The following FOCAD variants were observed in gnomAD, a reference collection of about 807,000 sequenced individuals.
The protein encoded by FOCAD is KIAA1797.
In FOCAD, 198 loss-of-function variants were observed where a neutral mutation model predicts 225.6. That is an observed-to-expected ratio of 0.88 (90% CI 0.78 to 0.99). The LOEUF is 0.99. FOCAD is among the 50% of genes least tolerant of loss of function. The probability of loss-of-function intolerance (pLI) is 0.00; values close to 1 mark genes in which losing one functional copy is unlikely to be tolerated. For synonymous variants in FOCAD, 897 were observed against 755.0 expected (o/e 1.19, Z -3.08); for missense variants, 2,713 against 2,123.6 (o/e 1.28, Z -5.46).
chr9:20,977,570 A>G (rs1420573593), intron 36 of FOCAD, among the ~76,000 whole-genome samples: 1 of 152,230 alleles, frequency 6.6e-6, no homozygotes, highest in Non-Finnish European at 1.5e-5. Context: ...ACAGTGTTGT[A>G]AAATTGTGTG....
At chr9:20,691,924 C>G (rs1224682577) in intron 1 of FOCAD, among the ~76,000 whole-genome samples, 1 of 152,176 alleles carries the variant, frequency 6.6e-6, no homozygotes, top group Non-Finnish European at 1.5e-5. Context: ...CAGGTGCGCA[C>G]TACCACACCA....
intron 19 of FOCAD, among the ~76,000 whole-genome samples, chr9:20,876,059 A>G (rs1383935771): frequency 1.3e-5 from 2 of 152,186 alleles, no homozygotes; most frequent in Non-Finnish European, 2.9e-5. Context: ...ATTCAGCCAA[A>G]TATATACTAT....
At chr9:20,667,529 A>T (rs567040332) in intron 2 of FOCAD, among the ~76,000 whole-genome samples, 25 of 152,338 alleles carry the variant, frequency 1.6e-4, no homozygotes, top group Non-Finnish European at 3.2e-4. Context: ...CCACTTTTTG[A>T]TCACATCCCT....
chr9:20,797,744 G>A (rs1189275780), intron 11 of FOCAD, among the ~76,000 whole-genome samples: 1 of 152,080 alleles, frequency 6.6e-6, no homozygotes, highest in Non-Finnish European at 1.5e-5. Flanking sequence ...AGCAGATTTT[G>A]GGCTGAGACG....
chr9:20,856,013 C>G (rs1828145215), intron 15 of FOCAD, among the ~76,000 whole-genome samples: 1 of 151,824 alleles, frequency 6.6e-6, no homozygotes, highest in Non-Finnish European at 1.5e-5. Flanking sequence ...TAGGTTGCTT[C>G]CAAATCTTGG....
intron 2 of FOCAD, among the ~76,000 whole-genome samples, chr9:20,672,469 G>T (rs1043738250): frequency 6.6e-6 from 1 of 152,082 alleles, no homozygotes; most frequent in Non-Finnish European, 1.5e-5. Flanking sequence ...TATTATTTTT[G>T]AGATGGAGTC....
rs566725805 is a variant in FOCAD at position 20,811,322 on chromosome 9, TGTG to T, written c.1456-8470_1456-8468del. ...ACAAGCTTCAGTTTTCCGTTTGAAA[TGTG>T]GTGATAATCATGATTTTCTACAAAG... is the stretch of plus-strand genomic sequence containing the variant. On this transcript the variant is annotated intron_variant, in intron 11 of 43. Transcript: ENST00000338382. 3.3e-5 allele frequency among the ~76,000 whole-genome samples: 5 copies of T among 152,184 alleles called. No homozygotes were observed. The East Asian group carries it at 5.8e-4, about 18-fold the overall frequency.
At chr9:20,737,545 T>A (rs1054230670) in intron 4 of FOCAD, among the ~76,000 whole-genome samples, 1 of 152,200 alleles carries the variant, frequency 6.6e-6, no homozygotes, top group African/African-American at 2.4e-5. Context: ...ATAAATAGCT[T>A]AAATACGACT....
chr9:20,930,102 A>G (rs1835326364), intron 27 of FOCAD, among the ~76,000 whole-genome samples: 1 of 152,254 alleles, frequency 6.6e-6, no homozygotes, highest in East Asian at 1.9e-4. Context: ...TGCCCTGGCC[A>G]CATTTTTATA....
Position 20,931,538 on chromosome 9 carries a change from A to G in FOCAD, c.3318-1476A>G, listed in dbSNP as rs143854606. The stretch of plus-strand genomic sequence containing the variant: ...GGAGAAAGTTTAAATTTTTTTCTAA[A>G]AGCAAGTGTTTTGAGAGCTGTTGAT... On this transcript the variant is annotated intron_variant, in intron 27 of 43. Transcript: ENST00000338382. Among the ~76,000 whole-genome samples the G allele has an allele frequency of 1.2e-4, 19 of 152,330 alleles. 1 individual carries two copies. In the East Asian group the frequency reaches 3.7e-3, roughly 29 times the overall value.
intron 1 of FOCAD, among the ~76,000 whole-genome samples, chr9:20,710,229 A>ATTTTTTTTTT: frequency 9.8e-6 from 1 of 102,288 alleles, no homozygotes; most frequent in Non-Finnish European, 1.9e-5. Flanking sequence ...AGTAGCTGAG[A>ATTTTTTTTTT]TTTTTTTTTT....
intron 21 of FOCAD, among the ~76,000 whole-genome samples, chr9:20,890,960 G>A (rs191725726): frequency 3.6e-4 from 55 of 151,960 alleles, no homozygotes; most frequent in Admixed American, 2.8e-3. Context: ...AAGGTTCGTG[G>A]CAGCCCTGTA....
At position 20,753,363 on chromosome 9, in the gene FOCAD, G is replaced by T. The variant is rs1828745394; in HGVS notation, c.393-4727G>T. 6.6e-5 allele frequency among the ~76,000 whole-genome samples: 10 copies of T among 151,822 alleles called. No homozygotes were observed. The South Asian group carries it at 1.9e-3, about 29-fold the overall frequency. ...ATACCTAATTTATTGAGAGTTTTTA[G>T]CATGAAGGGTTGTTGAATTTTGTCA... On this transcript the variant is annotated intron_variant, in intron 5 of 43. Transcript: ENST00000338382.
intron 22 of FOCAD, among the ~76,000 whole-genome samples, chr9:20,911,417 G>A (rs916106247): frequency 6.6e-6 from 1 of 152,116 alleles, no homozygotes; most frequent in Non-Finnish European, 1.5e-5. Flanking sequence ...ACTTTGAGAA[G>A]TACAAGGACA....
intron 2 of FOCAD, among the ~76,000 whole-genome samples, chr9:20,673,886 T>C (rs1450309456): frequency 2.6e-5 from 4 of 152,246 alleles, no homozygotes; most frequent in African/African-American, 9.6e-5. Flanking sequence ...ATTAATAAAA[T>C]TCTTTAATTA....
intron 11 of FOCAD, among the ~76,000 whole-genome samples, chr9:20,808,767 T>G (rs1822734067): frequency 6.6e-6 from 1 of 152,212 alleles, no homozygotes; most frequent in Non-Finnish European, 1.5e-5. Flanking sequence ...GAGCCTTTGC[T>G]GGGTGCTGTG....
At chr9:20,789,656 T>C (rs748984885) in intron 11 of FOCAD, 48 bp downstream of exon 11, 3 of 1,597,052 alleles carry the variant, frequency 1.9e-6, no homozygotes, top group East Asian at 2.2e-5. Context: ...AGCTTAATCA[T>C]TGGAAATGTA....
intron 6 of FOCAD, among the ~76,000 whole-genome samples, chr9:20,762,126 G>A (rs1363507323): frequency 2.0e-5 from 3 of 152,148 alleles, no homozygotes; most frequent in Non-Finnish European, 4.4e-5. Context: ...GAAGAAAACC[G>A]ATAAGCCATC....
chr9:20,697,942 T>G (rs1180691535), intron 1 of FOCAD, among the ~76,000 whole-genome samples: 2 of 152,216 alleles, frequency 1.3e-5, no homozygotes, highest in African/African-American at 2.4e-5. Flanking sequence ...TGCAGGACCA[T>G]TATAGCTTCT....
Sources: allele counts gnomAD v4.1 joint callset (sites outside exome capture counted in the v4.1 genomes callset), GRCh38; gene constraint gnomAD v4.1.1; transcripts MANE v1.5; gene names NCBI Gene and HGNC (gene_info 2026-07-23, HGNC 2026-07-21).